Variants in THSD7B observed in about 807,000 individuals in gnomAD.
The protein encoded by THSD7B is thrombospondin type 1 domain containing 7B.
In THSD7B, 138 loss-of-function variants were observed where a neutral mutation model predicts 213.6. The observed-to-expected ratio is 0.65, with a 90% confidence interval of 0.56 to 0.74. THSD7B has a LOEUF of 0.74. Among genes scored for constraint, THSD7B ranks in the 30% least tolerant of loss-of-function variants. The pLI is 0.00. For synonymous variants in THSD7B, 742 were observed against 687.0 expected (o/e 1.08, Z -1.25); for missense variants, 1,931 against 1,991.5 (o/e 0.97, Z 0.58).
At chr2:137,484,067 T>A (rs1269633705) in intron 15 of THSD7B, among the ~76,000 whole-genome samples, 2 of 151,848 alleles carry the variant, frequency 1.3e-5, no homozygotes, top group African/African-American at 4.8e-5. Context: ...ATGTGCACAA[T>A]GTGCAGGTTA....
intron 27 of THSD7B, among the ~76,000 whole-genome samples, chr2:137,669,032 G>T (rs1683509237): frequency 6.6e-6 from 1 of 152,084 alleles, no homozygotes; most frequent in Non-Finnish European, 1.5e-5. Flanking sequence ...GTTTTCAAGT[G>T]TGCTAAGAAT....
chr2:137,177,625 A>AGGTG (rs1007933291), intron 7 of THSD7B, among the ~76,000 whole-genome samples: 4 of 152,188 alleles, frequency 2.6e-5, no homozygotes, highest in African/African-American at 9.7e-5. Flanking sequence ...GCAAGTTCCC[A>AGGTG]GGTGATGCTG....
intron 2 of THSD7B, among the ~76,000 whole-genome samples, chr2:137,025,914 G>A (rs952133834): frequency 6.6e-6 from 1 of 151,966 alleles, no homozygotes; most frequent in African/African-American, 2.4e-5. Context: ...TACTCCTCTG[G>A]ACACAAATTT....
intron 1 of THSD7B, among the ~76,000 whole-genome samples, chr2:136,876,219 A>C (rs1417524813): frequency 6.6e-6 from 1 of 152,202 alleles, no homozygotes; most frequent in Non-Finnish European, 1.5e-5. Context: ...CTTTATCAAA[A>C]GCTCTCTGAC....
At chr2:137,147,090 G>T (rs1200766921) in intron 5 of THSD7B, among the ~76,000 whole-genome samples, 2 of 152,112 alleles carry the variant, frequency 1.3e-5, no homozygotes, top group Non-Finnish European at 2.9e-5. Context: ...TTTTGACCCA[G>T]TGCCTCTGAC....
chr2:137,612,898 A>G (rs1573743215), intron 17 of THSD7B, among the ~76,000 whole-genome samples: 1 of 152,184 alleles, frequency 6.6e-6, no homozygotes, highest in Non-Finnish European at 1.5e-5. Flanking sequence ...ATACAGTTAA[A>G]TCATTATTAG....
chr2:137,224,938 T>A (rs1408134643), intron 7 of THSD7B, among the ~76,000 whole-genome samples: 1 of 152,236 alleles, frequency 6.6e-6, no homozygotes, highest in Non-Finnish European at 1.5e-5. Flanking sequence ...TTTCTTATTC[T>A]TCATTTATTA....
Position 137,662,229 on chromosome 2 carries a change from A to ATTTTTTTTTTTT in THSD7B, c.4459-1153_4459-1142dup, listed in dbSNP as rs36040861. 4.2e-4 allele frequency among the ~76,000 whole-genome samples: 43 copies of ATTTTTTTTTTTT among 101,810 alleles called. 3 individuals carry two copies. Among genetic ancestry groups the ATTTTTTTTTTTT allele is most frequent in the African/African-American group, 5.5e-4 (14 of 25,382 alleles). 66.8% of individuals were successfully genotyped at this position (101,810 alleles called of 152,430 possible). A position where few individuals can be genotyped will look rare whatever the true frequency, so the allele number is the denominator to read the frequency against. On this transcript the variant is annotated intron_variant, in intron 25 of 27. Coordinates refer to ENST00000409968, the MANE Select transcript of THSD7B (RefSeq NM_001316349.2). ...AGATGCCCGCCACGACGCCCGGCTA[A>ATTTTTTTTTTTT]TTTTTTTTTTTTCTTTTTTTTTTTT...
intron 1 of THSD7B, among the ~76,000 whole-genome samples, chr2:136,797,167 C>A (rs1380846118): frequency 1.3e-5 from 2 of 151,894 alleles, no homozygotes; most frequent in Non-Finnish European, 2.9e-5. Flanking sequence ...ATATCACAGA[C>A]CTTCAAATGC....
chr2:137,154,221 T>G (rs910426654), intron 5 of THSD7B, among the ~76,000 whole-genome samples: 2 of 152,134 alleles, frequency 1.3e-5, no homozygotes, highest in African/African-American at 2.4e-5. Context: ...AATCTCTACT[T>G]TTTTGAAAAT....
chr2:137,053,947 G>A (rs186081571), intron 2 of THSD7B, among the ~76,000 whole-genome samples: 1 of 152,156 alleles, frequency 6.6e-6, no homozygotes, highest in Non-Finnish European at 1.5e-5. Flanking sequence ...AGTAACTGTG[G>A]GAATTTTGGG....
chr2:137,654,423 G>A (rs11901889), intron 21 of THSD7B, among the ~76,000 whole-genome samples: 1 of 152,270 alleles, frequency 6.6e-6, no homozygotes, highest in Non-Finnish European at 1.5e-5. Context: ...GATGTCCTTA[G>A]GGATGTTTCT....
chr2:136,955,023 C>A (rs1177112917), intron 2 of THSD7B, among the ~76,000 whole-genome samples: 1 of 151,932 alleles, frequency 6.6e-6, no homozygotes, highest in South Asian at 2.1e-4. Flanking sequence ...TTGTTTTATG[C>A]CTAAAGTCGA....
At chr2:137,307,270 A>G (rs968368101) in intron 12 of THSD7B, among the ~76,000 whole-genome samples, 2 of 152,212 alleles carry the variant, frequency 1.3e-5, no homozygotes, top group South Asian at 4.2e-4. Context: ...TATTGGTGCT[A>G]CTAGTAGAAC....
intron 1 of THSD7B, among the ~76,000 whole-genome samples, chr2:136,849,392 T>C (rs1312094618): frequency 6.6e-6 from 1 of 152,196 alleles, no homozygotes; most frequent in Non-Finnish European, 1.5e-5. Context: ...CTAGTCTTTT[T>C]GCCATCTAAA....
intron 14 of THSD7B, among the ~76,000 whole-genome samples, chr2:137,436,665 TG>T (rs1687298163): frequency 6.6e-6 from 1 of 152,200 alleles, no homozygotes; most frequent in African/African-American, 2.4e-5. Flanking sequence ...AACAGCCTCT[TG>T]TGCCACAGTA....
chr2:137,109,725 G>A (rs979683618), intron 4 of THSD7B, among the ~76,000 whole-genome samples: 3 of 151,880 alleles, frequency 2.0e-5, no homozygotes, highest in African/African-American at 7.3e-5. Flanking sequence ...GAGTGATGGG[G>A]AGTGGCTGTA....
At chr2:137,168,980 A>G (rs1182598396) in intron 6 of THSD7B, among the ~76,000 whole-genome samples, 1 of 151,886 alleles carries the variant, frequency 6.6e-6, no homozygotes, top group African/African-American at 2.4e-5. Flanking sequence ...AATGATATAG[A>G]CATGGAGGTA....
At position 137,056,716 on chromosome 2, in the gene THSD7B, A is replaced by T; in HGVS notation, c.436A>T (p.Ile146Phe). ...HGLQHRMVRC[I>F]QKLNRTVVAN... ...ACTGCAGCACCGGATGGTGCGCTGC[A>T]TTCAGAAGCTGAACCGAACTGTGGT... Residue 146 changes from isoleucine to phenylalanine, a missense_variant, in exon 3 of 28, where the codon ATT becomes TTT. Transcript: ENST00000409968. The T allele has an allele frequency of 3.1e-6, 5 of 1,614,002 alleles. No individual in the cohort carries two copies. The highest frequency in any genetic ancestry group is 4.2e-6 in the Non-Finnish European group (5 of 1,179,884).
Sources: allele counts gnomAD v4.1 joint callset (sites outside exome capture counted in the v4.1 genomes callset), GRCh38; gene constraint gnomAD v4.1.1; transcripts MANE v1.5; gene names NCBI Gene and HGNC (gene_info 2026-07-23, HGNC 2026-07-21).